The following DENND3 variants were observed in gnomAD, a reference collection of about 807,000 sequenced individuals.
DENND3 encodes DENN domain containing 3.
Under a neutral mutation model 135.1 loss-of-function variants are expected in DENND3, and 88 were observed. That is an observed-to-expected ratio of 0.65 (90% CI 0.55 to 0.78). DENND3 has a LOEUF of 0.78. DENND3 is among the 30% of genes least tolerant of loss of function. DENND3 has a pLI of 0.00. For synonymous variants in DENND3, 693 were observed against 712.3 expected, an observed-to-expected ratio of 0.97 and a Z score of 0.43; for missense variants, 1,392 against 1,688.4, an observed-to-expected ratio of 0.82 and a Z score of 3.08.
chr8:141,176,286 AC>A lies in DENND3; in HGVS notation c.2536-304del, dbSNP rs1266696283. 69 of 203,962 alleles carry A rather than the reference AC, an allele frequency of 3.4e-4. 1 individual carries two copies. The highest frequency in any genetic ancestry group is 1.7e-3 in the African/African-American group (62 of 36,628). 12.6% of individuals were successfully genotyped at this position (203,962 alleles called of 1,614,324 possible). A position where few individuals can be genotyped will look rare whatever the true frequency, so the allele number is the denominator to read the frequency against. Reference sequence around the variant, plus strand: ...GGAAGTAAAAAAAAACAAAAACAAAACAAAAAAAAAAAAACAAAAAGAGGGA... The same window carrying A: ...GGAAGTAAAAAAAAACAAAAACAAAAAAAAAAAAAAAAACAAAAAGAGGGA... On this transcript the variant is annotated intron_variant, in intron 14 of 22. Transcript: ENST00000519811.
Position 141,165,800 on chromosome 8 carries a change from C to T in DENND3, c.1554-390C>T, listed in dbSNP as rs533412100. 5.3e-5 allele frequency among the ~76,000 whole-genome samples: 8 copies of T among 152,198 alleles called. No homozygotes were observed. The East Asian group carries it at 5.8e-4, about 11-fold the overall frequency. On this transcript the variant is annotated intron_variant, in intron 11 of 22. Coordinates refer to ENST00000519811, the MANE Select transcript of DENND3 (RefSeq NM_001352890.3). ...CTTGAGGGAACACTTGAAACGTGCCCGATGTTAGCATGCTCCCCGTGGTTT... is the reference window on the plus strand; with the variant it reads ...CTTGAGGGAACACTTGAAACGTGCCTGATGTTAGCATGCTCCCCGTGGTTT...
rs116049688 is a variant in DENND3, at chr8:141,134,661, G to A, written c.103-1848G>A. On this transcript the variant is annotated intron_variant, in intron 1 of 22. Coordinates refer to ENST00000519811, the MANE Select transcript of DENND3 (RefSeq NM_001352890.3). ...GTTGACCGAATTTGAGTGATGTAGCGTGCAAATCGTCATATAGAGATCAGA... is the reference window on the plus strand; with the variant it reads ...GTTGACCGAATTTGAGTGATGTAGCATGCAAATCGTCATATAGAGATCAGA... 8.3e-3 allele frequency among the ~76,000 whole-genome samples: 1,270 copies of A among 152,220 alleles called. 17 individuals carry two copies. The highest frequency in any genetic ancestry group is 0.029 in the African/African-American group (1,211 of 41,526).
chr8:141,178,815 A>AT (rs1403250534), intron 16 of DENND3, among the ~76,000 whole-genome samples: 1 of 151,964 alleles, frequency 6.6e-6, no homozygotes, highest in Non-Finnish European at 1.5e-5. Flanking sequence ...CTGGACTCCC[A>AT]TTTTTTTCTT....
chr8:141,168,843 G>A lies in DENND3; in HGVS notation c.2275+318G>A, dbSNP rs11984642. Among the ~76,000 whole-genome samples the A allele has an allele frequency of 0.018, 2,758 of 151,838 alleles. 154 individuals carry two copies. The highest frequency in any genetic ancestry group is 0.11 in the Admixed American group (1,610 of 15,248). On this transcript the variant is annotated intron_variant, in intron 13 of 22. Transcript: ENST00000519811. This position sits in a 1 kb window ranked among gnomAD's most constrained non-coding sequence, Gnocchi z 6.2. The stretch of plus-strand genomic sequence containing the variant: ...TGAGATTACAAGAGTGAGCCTCTGC[G>A]TTGGGCCCATATATTTTATTTTACT...
At chr8:141,177,760 G>A (rs141028129) in intron 15 of DENND3, 207 of 278,582 alleles carry the variant, frequency 7.4e-4, no homozygotes, top group Non-Finnish European at 1.1e-3. Flanking sequence ...ATGTCCCTCG[G>A]TGCTCCCATG....
intron 15 of DENND3, 41 bp from the exon 16 acceptor site, chr8:141,178,026 G>C: frequency 6.3e-7 from 1 of 1,576,588 alleles, no homozygotes; most frequent in Non-Finnish European, 8.7e-7. Context: ...ACTGATCTTA[G>C]TGATTCTTGC....
chr8:141,164,141 G>A (rs1048014764), intron 10 of DENND3, among the ~76,000 whole-genome samples: 4 of 152,092 alleles, frequency 2.6e-5, no homozygotes, highest in African/African-American at 7.2e-5. Flanking sequence ...GCAGTCCTGC[G>A]GTCTGCGCTC....
chr8:141,193,816 GTCT>G lies in DENND3; in HGVS notation c.3637-211_3637-209del, dbSNP rs1326110176. On this transcript the variant is annotated intron_variant, in intron 22 of 22. Transcript: ENST00000519811. ...CAGCACTTTTCCAGCACGCAGTGCA[GTCT>G]TCTTCCCCAGAGGCCCCTCGGCCAT... is the stretch of plus-strand genomic sequence containing the variant. 2.2e-5 allele frequency: 13 copies of G among 601,096 alleles called. No individual in the cohort carries two copies. In the East Asian group the frequency reaches 2.8e-4, roughly 13 times the overall value. The allele number at this position is 601,096 out of a possible 1,614,324, so 37.2% of individuals were successfully genotyped here. A position where few individuals can be genotyped will look rare whatever the true frequency, so the allele number is the denominator to read the frequency against.
rs1816936996 is a variant in DENND3, at chr8:141,137,688, C to A, written c.386-334C>A. ...GAGGTAGGAAACTCAGACGAAGCAC[C>A]TAGCATAAGCACCCACCTCAGAACT... On this transcript the variant is annotated intron_variant, in intron 2 of 22. Transcript: ENST00000519811. The surrounding 1 kb of genome is among the most constrained non-coding windows in gnomAD (Gnocchi z 4.1). 6.6e-6 allele frequency among the ~76,000 whole-genome samples: 1 copy of A among 152,200 alleles called. No individual in the cohort carries two copies.
rs1387608661 is a variant in DENND3, at chr8:141,136,497, T to C, written c.103-12T>C. On this transcript the variant is annotated splice_polypyrimidine_tract_variant and intron_variant, in intron 1 of 22. Coordinates refer to ENST00000519811, the MANE Select transcript of DENND3 (RefSeq NM_001352890.3). ...AGGCTGTGGCAGTAACTCTTATTTT[T>C]CCCTTTTTTAGGTTGCTTATAAAAA... 2 of 1,536,402 alleles carry C rather than the reference T, an allele frequency of 1.3e-6. No homozygotes were observed.
At chr8:141,160,885 G>A in intron 9 of DENND3, 98 bp downstream of exon 9, 1 of 1,457,096 alleles carries the variant, frequency 6.9e-7, no homozygotes, top group Non-Finnish European at 9.3e-7. Context: ...CAGGCCATTA[G>A]TACCATTTGC....
intron 8 of DENND3, chr8:141,157,453 T>G: frequency 1.0e-6 from 1 of 985,486 alleles, no homozygotes; most frequent in Non-Finnish European, 1.2e-6. Context: ...AACCTGTGGG[T>G]CCAACTGCAG....
chr8:141,181,043 ACT>A (rs1270267889), intron 17 of DENND3, among the ~76,000 whole-genome samples, 189 bp downstream of exon 17: 8 of 152,148 alleles, frequency 5.3e-5, no homozygotes, highest in Non-Finnish European at 8.8e-5. Context: ...CGCTCCACGG[ACT>A]CAGCCTCACG....
In DENND3 at chr8:141,157,793, T is replaced by C. The variant is rs1357651361; in HGVS notation, c.1196+1823T>C. On this transcript the variant is annotated intron_variant, in intron 8 of 22. Transcript: ENST00000519811. The stretch of plus-strand genomic sequence containing the variant: ...TTTTTTTTTGGAGACAGGGTCTTGC[T>C]CTGTCACCCAGGCTGGGGTGCAGTG... The C allele has an allele frequency of 2.0e-5, 20 of 979,846 alleles. No homozygotes were observed. In the Admixed American group the frequency reaches 8.8e-4, roughly 43 times the overall value. The allele number at this position is 979,846 out of a possible 1,614,324, so 60.7% of individuals were successfully genotyped here. A position where few individuals can be genotyped will look rare whatever the true frequency, so the allele number is the denominator to read the frequency against.
intron 17 of DENND3, among the ~76,000 whole-genome samples, chr8:141,181,335 A>G (rs1823069519): frequency 6.6e-6 from 1 of 152,180 alleles, no homozygotes; most frequent in South Asian, 2.1e-4. Context: ...ACACACTGGC[A>G]CTTTCTAAAG....
intron 1 of DENND3, among the ~76,000 whole-genome samples, chr8:141,133,142 G>C (rs1312646768): frequency 6.6e-6 from 1 of 152,172 alleles, no homozygotes; most frequent in Non-Finnish European, 1.5e-5. Flanking sequence ...GGGGTGGAGG[G>C]TCTGCCCCCG....
Position 141,155,853 on chromosome 8 carries a change from C to CCGACGGTAGA in DENND3, c.1086_1087insAGACGACGGT (p.Leu363ArgfsTer10). ...AGATGATTCCTTGTTTTCTAGGAAGCCGACGGTTTAGTTCTGATAAATATT... is the reference window on the plus strand; with the variant it reads ...AGATGATTCCTTGTTTTCTAGGAAGCCGACGGTAGACGACGGTTTAGTTCTGATAAATATT... On this transcript the variant is annotated frameshift_variant, in exon 8 of 23. Coordinates refer to ENST00000519811, the MANE Select transcript of DENND3 (RefSeq NM_001352890.3). LOFTEE classifies it high-confidence loss of function. 6.3e-7 allele frequency: 1 copy of CCGACGGTAGA among 1,585,778 alleles called. No individual in the cohort carries two copies. Among genetic ancestry groups the CCGACGGTAGA allele is most frequent in the Non-Finnish European group, 8.6e-7 (1 of 1,164,782 alleles).
At position 141,175,225 on chromosome 8, in the gene DENND3, A is replaced by T. The variant is rs529852610; in HGVS notation, c.2301A>T (p.Glu767Asp). The T allele has an allele frequency of 1.9e-6, 3 of 1,614,088 alleles. No individual in the cohort carries two copies. Among genetic ancestry groups the T allele is most frequent in the Non-Finnish European group, 2.5e-6 (3 of 1,179,960 alleles). ...TVGQEKQIDP[E>D]TFKDFYNCWK... The stretch of plus-strand genomic sequence containing the variant: ...GACAGGAGAAACAAATCGACCCAGA[A>T]ACATTCAAAGATTTCTACAACTGCT... Residue 767 changes from glutamate (E) to aspartate (D), a missense_variant, in exon 14 of 23, where the codon GAA (glutamate) becomes GAT (aspartate). Physicochemically the swap from Glu to Asp is conservative, Grantham distance 45. Coordinates refer to ENST00000519811, the MANE Select transcript of DENND3 (RefSeq NM_001352890.3). This position sits in a 1 kb window ranked among gnomAD's most constrained non-coding sequence, Gnocchi z 5.4.
At chr8:141,176,513 C>T in intron 14 of DENND3, 78 bp from the exon 15 acceptor site, 1 of 1,576,826 alleles carries the variant, frequency 6.3e-7, no homozygotes, top group Non-Finnish European at 8.7e-7. Flanking sequence ...ATTCCAGAGC[C>T]CGCTCTGCCT....
Sources: gnomAD v4.1 joint callset for allele counts (sites outside exome capture counted in the v4.1 genomes callset) on GRCh38, gnomAD v4.1.1 for gene constraint, Gnocchi (gnomAD v3.1) non-coding constraint, MANE v1.5 for transcripts, NCBI Gene and HGNC (gene_info 2026-07-23, HGNC 2026-07-21) for gene names.